Variants in FAM161B observed in about 807,000 individuals in gnomAD.
The protein encoded by FAM161B is FAM161 centrosomal protein B.
In FAM161B, 46 loss-of-function variants were observed where a neutral mutation model predicts 61.5. The observed-to-expected ratio is 0.75, with a 90% CI of 0.59 to 0.96. FAM161B has a LOEUF of 0.96. Ranked by LOEUF, FAM161B falls within the 40% of genes least tolerant of loss-of-function variation. The probability of loss-of-function intolerance (pLI) is 0.00; values close to 1 mark genes in which losing one functional copy is unlikely to be tolerated. For synonymous variants in FAM161B, 284 were observed against 302.7 expected, an observed-to-expected ratio of 0.94 and a Z score of 0.64; for missense variants, 774 against 800.7, an observed-to-expected ratio of 0.97 and a Z score of 0.40.
At position 73,941,007 on chromosome 14, in the gene FAM161B, A is replaced by C; in HGVS notation, c.1319T>G (p.Leu440Arg). The change falls in exon 5 of 9, where the codon CTG becomes CGG. Residue 440 changes from leucine (L) to arginine (R), a missense_variant. Physicochemically the swap from Leu to Arg is moderately radical, Grantham distance 102. Transcript: ENST00000286544. ...PATPLPRSRS[L>R]SGLASLSANT... Reference sequence around the variant, plus strand: ...GGCAGAGAGGGAAGCAAGGCCGCTCAGAGAACGACTCCTTGGCAGGGGTGT... The same window carrying C: ...GGCAGAGAGGGAAGCAAGGCCGCTCCGAGAACGACTCCTTGGCAGGGGTGT... The C allele has an allele frequency of 1.2e-6, 2 of 1,613,470 alleles. No individual in the cohort carries two copies. Among genetic ancestry groups the C allele is most frequent in the South Asian group, 1.1e-5 (1 of 91,076 alleles).
rs1255201593 is a variant in FAM161B, at chr14:73,937,696, T to C, written c.1571A>G (p.Asn524Ser). The C allele has an allele frequency of 6.2e-7, 1 of 1,612,628 alleles. No individual in the cohort carries two copies. The highest frequency in any genetic ancestry group is 8.5e-7 in the Non-Finnish European group (1 of 1,179,734). Reference protein sequence around the residue: ...FKAKLKENRNNDRKRAKEYKK... With the variant: ...FKAKLKENRNSDRKRAKEYKK... ...ATATTCTTTCGCTCTTTTACGGTCA[T>C]TGTTCCTGGAATTAGCAAGACTTTT... is the stretch of plus-strand genomic sequence containing the variant. Residue 524 changes from asparagine (N) to serine (S), a missense_variant, in exon 7 of 9, where the codon AAT (asparagine) becomes AGT (serine). Transcript: ENST00000286544.
intron 4 of FAM161B, 94 bp downstream of exon 4, chr14:73,942,275 A>C (rs2056025630): frequency 2.3e-6 from 3 of 1,311,004 alleles, no homozygotes; most frequent in Non-Finnish European, 3.1e-6. Context: ...AAAGATAGGA[A>C]AACCTTGTTG....
chr14:73,926,365 C>G, the FAM161B span, among the ~76,000 whole-genome samples: 3 of 135,804 alleles, frequency 2.2e-5, no homozygotes, highest in Non-Finnish European at 4.8e-5. Context: ...TCTCTTAATT[C>G]TCTTTATAAT....
intron 1 of FAM161B, among the ~76,000 whole-genome samples, chr14:73,947,411 G>A (rs1000827359): frequency 1.3e-5 from 2 of 150,524 alleles, no homozygotes; most frequent in African/African-American, 4.9e-5. Context: ...AAAAGGAATG[G>A]ATGATTAACA....
chr14:73,935,413 A>G lies in FAM161B; in HGVS notation c.1805+536T>C, dbSNP rs567576364. ...CGTGATGGCGGGAGCCTGTAATCCC[A>G]GCTACTCGGGAGGCTGAGGCAGGAG... On this transcript the variant is annotated intron_variant, in intron 8 of 8. Coordinates refer to ENST00000286544, the MANE Select transcript of FAM161B (RefSeq NM_152445.3). 4.4e-3 allele frequency among the ~76,000 whole-genome samples: 672 copies of G among 152,100 alleles called. 5 individuals carry two copies. The highest frequency in any genetic ancestry group is 0.016 in the African/African-American group (654 of 41,482).
chr14:73,946,536 G>A lies in FAM161B; in HGVS notation c.124C>T (p.Pro42Ser). The A allele has an allele frequency of 6.2e-7, 1 of 1,614,106 alleles. No individual in the cohort carries two copies. Among genetic ancestry groups the A allele is most frequent in the Non-Finnish European group, 8.5e-7 (1 of 1,180,024 alleles). ...AACTCGTCAAGTTTGCTGGCCCTGG[G>A]CAAAACCAGCCCATCCCCGGACAGC... ...EELSGDGLVL[P>S]RASKLDEFLS... The change falls in exon 2 of 9, where the codon CCC becomes TCC. Residue 42 changes from proline to serine, a missense_variant. Physicochemically the swap from Pro to Ser is moderately conservative, Grantham distance 74. Coordinates refer to ENST00000286544, the MANE Select transcript of FAM161B (RefSeq NM_152445.3).
rs2056067061 is a variant in FAM161B at position 73,946,400 on chromosome 14, AAG to A, written c.258_259del (p.Phe87SerfsTer3). On this transcript the variant is annotated frameshift_variant, in exon 2 of 9. Coordinates refer to ENST00000286544, the MANE Select transcript of FAM161B (RefSeq NM_152445.3). LOFTEE classifies it high-confidence loss of function. ...TTCATCACTCTCTGGGTCAGACTGA[AAG>A]AGAGACTCCAACAGACACCATCTCC... 6.2e-7 allele frequency: 1 copy of A among 1,614,132 alleles called. No homozygotes were observed. The highest frequency in any genetic ancestry group is 2.2e-5 in the East Asian group (1 of 44,878).
At chr14:73,935,656 T>C (rs963415070) in intron 8 of FAM161B, among the ~76,000 whole-genome samples, 3 of 152,226 alleles carry the variant, frequency 2.0e-5, no homozygotes, top group African/African-American at 7.2e-5. Flanking sequence ...ATGATTTTTC[T>C]TCAAAAATAA....
At chr14:73,930,987 A>T (rs891458889), downstream of FAM161B, among the ~76,000 whole-genome samples, 1 of 152,184 alleles carries the variant, frequency 6.6e-6, no homozygotes, top group Non-Finnish European at 1.5e-5. Context: ...GTAGAATGTT[A>T]GTGGTAGTTG....
intron 8 of FAM161B, among the ~76,000 whole-genome samples, chr14:73,935,254 G>A (rs1051889219): frequency 6.6e-6 from 1 of 151,688 alleles, no homozygotes; most frequent in African/African-American, 2.4e-5. Flanking sequence ...AGGGCCGGGC[G>A]CGGTCACTCA....
In FAM161B at chr14:73,946,482, T is replaced by C; in HGVS notation, c.178A>G (p.Thr60Ala). The C allele has an allele frequency of 1.9e-6, 3 of 1,614,200 alleles. No individual in the cohort carries two copies. The highest frequency in any genetic ancestry group is 2.5e-6 in the Non-Finnish European group (3 of 1,180,050). Residue 60 changes from threonine to alanine, a missense_variant, in exon 2 of 9, where the codon ACT (threonine) becomes GCT (alanine). By Grantham distance (58) the Thr-to-Ala change is moderately conservative. Coordinates refer to ENST00000286544, the MANE Select transcript of FAM161B (RefSeq NM_152445.3). ...FLSPEEEIDS[T>A]SDSTGSIYQN... ...TAAATGCTCCCAGTTGAGTCAGAAG[T>C]AGAATCTATCTCCTCCTCTGGGCTG...
At chr14:73,923,473 G>A in the FAM161B span, 16 of 1,613,964 alleles carry the variant, frequency 9.9e-6, no homozygotes, top group Non-Finnish European at 1.4e-5. Flanking sequence ...ATGCAGTCAG[G>A]GAGGCAATCA....
downstream of FAM161B, chr14:73,931,668 A>T (rs2055917916): frequency 1.2e-5 from 10 of 808,152 alleles, no homozygotes; most frequent in Admixed American, 5.0e-5. Context: ...TGCTTTTGCC[A>T]CTCTTCCTCT....
chr14:73,925,717 C>T, the FAM161B span, among the ~76,000 whole-genome samples: 3 of 152,110 alleles, frequency 2.0e-5, no homozygotes, highest in African/African-American at 4.8e-5. Flanking sequence ...TGTGAGCTGC[C>T]GCACTTGGCC....
In FAM161B at chr14:73,946,593, C is replaced by T. The variant is rs113301882; in HGVS notation, c.67G>A (p.Glu23Lys). Residue 23 changes from glutamate to lysine, a missense_variant, in exon 2 of 9, where the codon GAG (glutamate) becomes AAG (lysine). Coordinates refer to ENST00000286544, the MANE Select transcript of FAM161B (RefSeq NM_152445.3). ...AEGSRQIFPPESFADTEAGEE... is the reference protein window; with the variant it reads ...AEGSRQIFPPKSFADTEAGEE... ...CCTGCCTCTGTGTCTGCGAAGGACT[C>T]GGGGGGAAATATCTAAAATAGAATA... 2.2e-4 allele frequency: 349 copies of T among 1,612,782 alleles called. 1 individual carries two copies. Among genetic ancestry groups the T allele is most frequent in the African/African-American group, 7.6e-4 (57 of 74,978 alleles).
chr14:73,938,704 G>A (rs998201002), intron 5 of FAM161B, among the ~76,000 whole-genome samples: 11 of 148,876 alleles, frequency 7.4e-5, no homozygotes, highest in South Asian at 2.1e-4. Flanking sequence ...CCTGGGAGGC[G>A]GAGCTTGCAG....
At chr14:73,927,856 T>TTTTA (rs1260477920), downstream of FAM161B, 1 of 154,138 alleles carries the variant, frequency 6.5e-6, no homozygotes, top group Non-Finnish European at 1.4e-5. Context: ...TTTAATTTTT[T>TTTTA]AGACGGAGTC....
intron 8 of FAM161B, among the ~76,000 whole-genome samples, chr14:73,934,915 T>C (rs1439041047): frequency 2.6e-5 from 4 of 151,544 alleles, no homozygotes; most frequent in Admixed American, 1.3e-4. Flanking sequence ...GGCGTGGTAG[T>C]GGACACCTGT....
chr14:73,927,172 A>T (rs1357434569), downstream of FAM161B: 4 of 258,572 alleles, frequency 1.5e-5, no homozygotes, highest in Middle Eastern at 2.8e-3. Context: ...TGCAACCTCT[A>T]CCTCCCGAAT....
Sources: allele counts gnomAD v4.1 joint callset (sites outside exome capture counted in the v4.1 genomes callset), GRCh38; gene constraint gnomAD v4.1.1; transcripts MANE v1.5; gene names NCBI Gene and HGNC (gene_info 2026-07-23, HGNC 2026-07-21).